Variants in AGBL1 observed in about 807,000 individuals in gnomAD.
The protein encoded by AGBL1 is AGBL carboxypeptidase 1, also known as cytosolic carboxypeptidase 4.
In AGBL1, 130 loss-of-function variants were observed where a neutral mutation model predicts 118.9. That is an observed-to-expected ratio of 1.09 (90% CI 0.95 to 1.26). The LOEUF is 1.26. Ranked by LOEUF, AGBL1 falls within the 50% of genes most tolerant of loss-of-function variation. The pLI, the probability that AGBL1 is intolerant of heterozygous loss-of-function variation, is 0.00. For missense variants in AGBL1, 1,584 were observed against 1,298.1 expected (o/e 1.22, Z -3.38); for synonymous variants, 555 against 478.9 (o/e 1.16, Z -2.08).
intron 22 of AGBL1, among the ~76,000 whole-genome samples, chr15:86,885,186 A>G (rs1317551498): frequency 6.6e-6 from 1 of 152,126 alleles, no homozygotes; most frequent in African/African-American, 2.4e-5. Context: ...TGTTAAGTAT[A>G]TTAATTCACT....
At chr15:86,783,845 G>A (rs1273241250) in intron 22 of AGBL1, among the ~76,000 whole-genome samples, 1 of 127,962 alleles carries the variant, frequency 7.8e-6, no homozygotes, top group East Asian at 2.1e-4. Flanking sequence ...CAGCCAGGCT[G>A]GTCTCGAATT....
chr15:86,674,490 C>G (rs11856329), intron 22 of AGBL1, 54 bp downstream of exon 22: 839,686 of 1,541,932 alleles, frequency 0.54, 232,594 homozygotes, highest in Non-Finnish European at 0.57. Context: ...TTCCATTGCT[C>G]AATATCTCAG....
rs574658847 is a variant in AGBL1, at chr15:86,930,249, C to T, written c.3222-57738C>T. On this transcript the variant is annotated intron_variant, in intron 23 of 24. Transcript: ENST00000441037. ...GGTGACTTCAGGCAAGTCACCAACTCTGAAAAACCCTCCAGAGTGAAAATA... is the reference window on the plus strand; with the variant it reads ...GGTGACTTCAGGCAAGTCACCAACTTTGAAAAACCCTCCAGAGTGAAAATA... Among the ~76,000 whole-genome samples, 3 of 152,280 alleles carry T rather than the reference C, an allele frequency of 2.0e-5. No individual in the cohort carries two copies. The South Asian group carries it at 6.2e-4, about 32-fold the overall frequency.
chr15:86,251,071 A>G (rs933710819), intron 7 of AGBL1, among the ~76,000 whole-genome samples: 1 of 152,228 alleles, frequency 6.6e-6, no homozygotes, highest in Admixed American at 6.5e-5. Context: ...CTATTAATAC[A>G]TCCCTTGGCT....
intron 17 of AGBL1, among the ~76,000 whole-genome samples, chr15:86,356,928 A>G (rs549679322): frequency 1.3e-5 from 2 of 152,294 alleles, no homozygotes; most frequent in African/African-American, 4.8e-5. Flanking sequence ...AATTGATGCA[A>G]ATACTCTCCA....
intron 23 of AGBL1, among the ~76,000 whole-genome samples, chr15:86,976,921 T>C (rs545606401): frequency 2.0e-5 from 3 of 152,168 alleles, no homozygotes; most frequent in African/African-American, 7.2e-5. Context: ...TATAAATGTC[T>C]TCATATATAT....
rs770556494 is a variant in AGBL1, at chr15:86,870,454, C to CAAAAAAAAAAAAA, written c.3159-36603_3159-36591dup. 1.3e-3 allele frequency among the ~76,000 whole-genome samples: 84 copies of CAAAAAAAAAAAAA among 64,106 alleles called. 15 individuals carry two copies. The highest frequency in any genetic ancestry group is 1.7e-3 in the Non-Finnish European group (63 of 36,184). The allele number at this position is 64,106 out of a possible 152,430, so 42.1% of individuals were successfully genotyped here. On this transcript the variant is annotated intron_variant, in intron 22 of 22. Transcript: ENST00000614907. ...GGCAAGAAAAAAGTAAAGCATACTG[C>CAAAAAAAAAAAAA]AAAAAAAAAAAAAAAAAAAAAAAAA...
rs188792748 is a variant in AGBL1, at chr15:86,177,664, A to G, written c.488+18638A>G. On this transcript the variant is annotated intron_variant, in intron 5 of 22. Transcript: ENST00000614907. ...TTTCTGTAAGAGTCCCCAAAATTTG[A>G]AAATTAAATAATGTACTTCTAAAGG... 2.6e-4 allele frequency among the ~76,000 whole-genome samples: 39 copies of G among 152,328 alleles called. No individual in the cohort carries two copies. The East Asian group carries it at 7.0e-3, about 27-fold the overall frequency.
chr15:86,825,837 C>A (rs1383612946), intron 22 of AGBL1, among the ~76,000 whole-genome samples: 1 of 149,824 alleles, frequency 6.7e-6, no homozygotes, highest in African/African-American at 2.5e-5. Context: ...TGTAGAGAAC[C>A]TGGATCACTC....
chr15:86,313,222 T>G (rs565128256), intron 17 of AGBL1, among the ~76,000 whole-genome samples: 11 of 152,336 alleles, frequency 7.2e-5, no homozygotes, highest in Admixed American at 5.2e-4. Flanking sequence ...AGGTCGATTT[T>G]CTTGGTCTTT....
chr15:86,812,954 C>A (rs2078811195), intron 22 of AGBL1, among the ~76,000 whole-genome samples: 1 of 150,898 alleles, frequency 6.6e-6, no homozygotes, highest in African/African-American at 2.4e-5. Context: ...TGGAAGGGAG[C>A]AGGAAAGAAA....
At chr15:86,326,076 C>T (rs1005254405) in intron 17 of AGBL1, among the ~76,000 whole-genome samples, 1 of 152,146 alleles carries the variant, frequency 6.6e-6, no homozygotes, top group African/African-American at 2.4e-5. Flanking sequence ...GCTCTGGTCC[C>T]ATTTGTGAAG....
At chr15:86,290,679 A>G (rs1312773459) in intron 16 of AGBL1, among the ~76,000 whole-genome samples, 2 of 148,566 alleles carry the variant, frequency 1.3e-5, no homozygotes, top group Non-Finnish European at 3.0e-5. Flanking sequence ...ATTATTTTTT[A>G]TTTATTTTTT....
chr15:86,349,654 G>A (rs952308827), intron 17 of AGBL1, among the ~76,000 whole-genome samples: 3 of 152,150 alleles, frequency 2.0e-5, no homozygotes, highest in Non-Finnish European at 4.4e-5. Flanking sequence ...CAAGCCAGTT[G>A]CAATGAACCT....
intron 22 of AGBL1, among the ~76,000 whole-genome samples, chr15:86,712,699 C>T (rs543175293): frequency 2.6e-5 from 4 of 152,120 alleles, no homozygotes; most frequent in East Asian, 1.9e-4. Flanking sequence ...TCCTGGGATA[C>T]GGGCCTTTTG....
intron 11 of AGBL1, among the ~76,000 whole-genome samples, chr15:86,265,352 G>T (rs1223245658): frequency 1.3e-5 from 2 of 152,190 alleles, no homozygotes; most frequent in Non-Finnish European, 2.9e-5. Flanking sequence ...CTGGCGGGGA[G>T]TTGATGGAAG....
chr15:86,964,409 C>T lies in AGBL1; in HGVS notation c.3222-23578C>T, dbSNP rs765172645. Among the ~76,000 whole-genome samples, 105 of 151,954 alleles carry T rather than the reference C, an allele frequency of 6.9e-4. 1 individual carries two copies. The highest frequency in any genetic ancestry group is 1.7e-3 in the Admixed American group (26 of 15,220). The stretch of plus-strand genomic sequence containing the variant: ...AGAAGCACATTACCCACCACTACCC[C>T]CACTGTGATAACAAAAAATGTGTCC... On this transcript the variant is annotated intron_variant, in intron 23 of 24. Coordinates refer to the AGBL1 transcript ENST00000441037.
At chr15:86,661,588 TC>T (rs1348616086) in intron 21 of AGBL1, among the ~76,000 whole-genome samples, 1 of 151,876 alleles carries the variant, frequency 6.6e-6, no homozygotes, top group Non-Finnish European at 1.5e-5. Flanking sequence ...CAAGGACACC[TC>T]TTAAAAAGAC....
At chr15:86,963,824 G>A (rs1221394546) in intron 23 of AGBL1, among the ~76,000 whole-genome samples, 1 of 152,044 alleles carries the variant, frequency 6.6e-6, no homozygotes, top group East Asian at 1.9e-4. Flanking sequence ...TAGTGGACGA[G>A]TGTCTGATTT....
Sources: gnomAD v4.1 joint callset for allele counts (sites outside exome capture counted in the v4.1 genomes callset) on GRCh38, gnomAD v4.1.1 for gene constraint, MANE v1.5 for transcripts, NCBI Gene and HGNC (gene_info 2026-07-23, HGNC 2026-07-21) for gene names.